Variants in TMEM219 observed in about 807,000 individuals in gnomAD.
TMEM219 encodes transmembrane protein 219.
A neutral mutation model predicts 17.9 loss-of-function variants in TMEM219; 18 were observed. The ratio of observed to expected loss-of-function variants is 1.01; its 90% CI spans 0.70 to 1.49. The LOEUF (loss-of-function observed/expected upper bound fraction) is 1.49, where lower values mean the gene tolerates loss of function less well. Among genes scored for constraint, TMEM219 ranks in the 40% most tolerant of loss-of-function variants. TMEM219 has a pLI of 0.00. For missense variants in TMEM219, 288 were observed against 292.4 expected (o/e 0.99, Z 0.11); for synonymous variants, 113 against 124.0 (o/e 0.91, Z 0.59).
intron 3 of TMEM219, among the ~76,000 whole-genome samples, chr16:29,967,080 A>G (rs1444956828): frequency 6.6e-6 from 1 of 152,304 alleles, no homozygotes; most frequent in East Asian, 1.9e-4. Flanking sequence ...AAAAGAATGA[A>G]CTAGTTTATG....
chr16:29,963,591 T>G lies in TMEM219; in HGVS notation c.355+2T>G, dbSNP rs1209494093. 3 of 1,612,602 alleles carry G rather than the reference T, an allele frequency of 1.9e-6. No individual in the cohort carries two copies. The highest frequency in any genetic ancestry group is 2.5e-6 in the Non-Finnish European group (3 of 1,179,330). The stretch of plus-strand genomic sequence containing the variant: ...TGGGAAGTCAGATGGGATTGAAAGG[T>G]GAGATCAGAGGCTGGGTGTGGTGGC... On this transcript the variant is annotated splice_donor_variant, in intron 3 of 5. Transcript: ENST00000279396. LOFTEE classifies it high-confidence loss of function.
rs368027468 is a variant in TMEM219 at position 29,970,386 on chromosome 16, G to A, written c.586-1022G>A. ...ATCGCCCAGGCGGGAGTGCAGTGGC[G>A]CAATCTCAGCTTACTGCAAGCTCCG... On this transcript the variant is annotated intron_variant, in intron 4 of 5. Coordinates refer to ENST00000279396, the MANE Select transcript of TMEM219 (RefSeq NM_001083613.2). Among the ~76,000 whole-genome samples, 28 of 148,262 alleles carry A rather than the reference G, an allele frequency of 1.9e-4. No individual in the cohort carries two copies. In the East Asian group the frequency reaches 4.6e-3, roughly 24 times the overall value.
At chr16:29,966,159 G>A (rs1047925619) in intron 3 of TMEM219, among the ~76,000 whole-genome samples, 1 of 152,138 alleles carries the variant, frequency 6.6e-6, no homozygotes, top group Non-Finnish European at 1.5e-5. Flanking sequence ...ATGAGCTACC[G>A]GGTCTGGCGT....
At chr16:29,965,956 T>C (rs2069207540) in intron 3 of TMEM219, among the ~76,000 whole-genome samples, 1 of 152,086 alleles carries the variant, frequency 6.6e-6, no homozygotes, top group Non-Finnish European at 1.5e-5. Context: ...AGGCTGGTCT[T>C]GAACTCCTGA....
At chr16:29,968,435 A>G (rs1017453649) in intron 4 of TMEM219, 181 bp downstream of exon 4, 2 of 569,024 alleles carry the variant, frequency 3.5e-6, no homozygotes, top group African/African-American at 3.7e-5. Context: ...CCTCATCTGT[A>G]AAACAGAAAA....
At chr16:29,971,043 A>G (rs1173862386) in intron 4 of TMEM219, among the ~76,000 whole-genome samples, 48 of 151,692 alleles carry the variant, frequency 3.2e-4, no homozygotes, top group Admixed American at 2.4e-3. Flanking sequence ...TCAGGAGATC[A>G]AGACCATCCT....
At chr16:29,969,564 A>G (rs1368898206) in intron 4 of TMEM219, among the ~76,000 whole-genome samples, 1 of 151,810 alleles carries the variant, frequency 6.6e-6, no homozygotes, top group African/African-American at 2.4e-5. Context: ...CTATAGTCCC[A>G]GCTACTCAGG....
intron 5 of TMEM219, 35 bp from the exon 6 acceptor site, chr16:29,972,915 G>A (rs2150870528): frequency 1.3e-5 from 2 of 152,274 alleles, no homozygotes; most frequent in South Asian, 2.1e-4. Context: ...GCAGCTCTTC[G>A]ACCTGTTTTG....
chr16:29,967,922 G>A lies in TMEM219; in HGVS notation c.356-103G>A, dbSNP rs532315841. 3.7e-4 allele frequency: 333 copies of A among 891,024 alleles called. 1 individual carries two copies. The African/African-American group carries it at 4.8e-3, about 13-fold the overall frequency. 55.2% of individuals were successfully genotyped at this position (891,024 alleles called of 1,614,324 possible). A position where few individuals can be genotyped will look rare whatever the true frequency, so the allele number is the denominator to read the frequency against. ...AGCCTGGGTGATAGAGCGAGACTCC[G>A]CCTCAAAAAAAAAAAAAGAAAATAC... On this transcript the variant is annotated intron_variant, in intron 3 of 5. Transcript: ENST00000279396.
rs1432208677 is a variant in TMEM219 at position 29,968,044 on chromosome 16, G to C, written c.375G>C (p.Leu125=). Reference sequence around the variant, plus strand: ...TCACAGGATCTTCTGCAGGACAACTGGTCCTTATCACAGCCAGGGTGACCA... The same window carrying C: ...TCACAGGATCTTCTGCAGGACAACTCGTCCTTATCACAGCCAGGGTGACCA... ...MGLKGSSAGQ[L]VLITARVTTE... The change falls in exon 4 of 6, where the codon CTG becomes CTC. Residue 125 remains leucine (L), a synonymous_variant. Transcript: ENST00000279396. 6.2e-7 allele frequency: 1 copy of C among 1,613,870 alleles called. No homozygotes were observed. The highest frequency in any genetic ancestry group is 8.5e-7 in the Non-Finnish European group (1 of 1,179,910).
At position 29,968,467 on chromosome 16, in the gene TMEM219, C is replaced by T. The variant is rs1302351716; in HGVS notation, c.585+213C>T. On this transcript the variant is annotated intron_variant, in intron 4 of 5. Coordinates refer to ENST00000279396, the MANE Select transcript of TMEM219 (RefSeq NM_001083613.2). ...AAAACATGACCCTATCTCTTAATTC[C>T]ATCAAATAAGGATTAAATGAGAATG... 3 of 526,388 alleles carry T rather than the reference C, an allele frequency of 5.7e-6. No individual in the cohort carries two copies. The East Asian group carries it at 9.1e-5, about 16-fold the overall frequency. 32.6% of individuals were successfully genotyped at this position (526,388 alleles called of 1,614,324 possible). A position where few individuals can be genotyped will look rare whatever the true frequency, so the allele number is the denominator to read the frequency against.
intron 4 of TMEM219, 52 bp from the exon 5 acceptor site, chr16:29,971,356 C>G: frequency 6.2e-7 from 1 of 1,611,652 alleles, no homozygotes; most frequent in Non-Finnish European, 8.5e-7. Flanking sequence ...TTCTATAGCC[C>G]TTGGACTGGA....
Position 29,963,517 on chromosome 16 carries a change from G to A in TMEM219, c.283G>A (p.Gly95Arg), listed in dbSNP as rs779673699. The A allele has an allele frequency of 8.7e-6, 14 of 1,614,018 alleles. No homozygotes were observed. Among genetic ancestry groups the A allele is most frequent in the South Asian group, 7.7e-5 (7 of 91,086 alleles). The change falls in exon 3 of 6, where the codon GGA becomes AGA. Residue 95 changes from glycine to arginine, a missense_variant. Transcript: ENST00000279396. ...VVGLLTTLNF[G>R]DGPDRNKTRT... ...GGGCTTGCTGACCACCTTGAACTTC[G>A]GAGACGGTCCAGACAGGAACAAGAC...
chr16:29,971,062 C>T (rs1428296572), intron 4 of TMEM219, among the ~76,000 whole-genome samples: 3 of 150,810 alleles, frequency 2.0e-5, no homozygotes, highest in Admixed American at 6.6e-5. Flanking sequence ...CTGGCTAACA[C>T]GGTGAAACCC....
chr16:29,963,124 C>G lies in TMEM219; in HGVS notation c.-20C>G, dbSNP rs949682655. ...TCTTCCAGCAGGCTCTCCCCGGAGG[C>G]TCAGCCCCCTCTGCTCCCCATGGGC... On this transcript the variant is annotated 5_prime_UTR_variant, in exon 2 of 6. Coordinates refer to ENST00000279396, the MANE Select transcript of TMEM219 (RefSeq NM_001083613.2). 2 of 1,608,058 alleles carry G rather than the reference C, an allele frequency of 1.2e-6. No homozygotes were observed. Among genetic ancestry groups the G allele is most frequent in the African/African-American group, 2.7e-5 (2 of 74,924 alleles).
At chr16:29,967,494 C>T (rs2069226069) in intron 3 of TMEM219, among the ~76,000 whole-genome samples, 1 of 152,106 alleles carries the variant, frequency 6.6e-6, no homozygotes, top group African/African-American at 2.4e-5. Context: ...ACTTGTAGCC[C>T]TGCCTACTCA....
chr16:29,970,703 G>A (rs2069274100), intron 4 of TMEM219, among the ~76,000 whole-genome samples: 1 of 151,970 alleles, frequency 6.6e-6, no homozygotes, highest in African/African-American at 2.4e-5. Context: ...GTTGATAATT[G>A]GGCAAGAAAG....
rs1297592487 is a variant in TMEM219, at chr16:29,963,551, T to G, written c.317T>G (p.Phe106Cys). Residue 106 changes from phenylalanine (F) to cysteine (C), a missense_variant, in exon 3 of 6, where the codon TTC becomes TGC. Transcript: ENST00000279396. ...DGPDRNKTRT[F>C]QATVLGSQMG... is the part of the protein sequence containing the mutation. The stretch of plus-strand genomic sequence containing the variant: ...CCAGACAGGAACAAGACCCGGACAT[T>G]CCAGGCCACAGTCCTGGGAAGTCAG... 2 of 1,613,930 alleles carry G rather than the reference T, an allele frequency of 1.2e-6. No homozygotes were observed. Among genetic ancestry groups the G allele is most frequent in the Non-Finnish European group, 1.7e-6 (2 of 1,180,010 alleles).
chr16:29,971,022 G>A (rs553802045), intron 4 of TMEM219, among the ~76,000 whole-genome samples: 4 of 151,608 alleles, frequency 2.6e-5, no homozygotes, highest in East Asian at 3.9e-4. Context: ...CGAGGTGGGC[G>A]GATCATGAGG....
Sources: allele counts gnomAD v4.1 joint callset (sites outside exome capture counted in the v4.1 genomes callset), GRCh38; gene constraint gnomAD v4.1.1; transcripts MANE v1.5; gene names NCBI Gene and HGNC (gene_info 2026-07-23, HGNC 2026-07-21).